Variants in PPARA observed in about 807,000 individuals in gnomAD.
PPARA encodes peroxisome proliferator-activated receptor alpha.
A neutral mutation model predicts 42.2 loss-of-function variants in PPARA; 22 were observed. The ratio of observed to expected loss-of-function variants is 0.52; its 90% CI spans 0.37 to 0.74. The LOEUF (loss-of-function observed/expected upper bound fraction) is 0.74. Ranked by LOEUF, PPARA falls within the 30% of genes least tolerant of loss-of-function variation. The pLI is 0.00. For synonymous variants in PPARA, 242 were observed against 239.3 expected, an observed-to-expected ratio of 1.01 and a Z score of -0.10; for missense variants, 465 against 608.2, an observed-to-expected ratio of 0.76 and a Z score of 2.48.
At position 46,161,598 on chromosome 22, in the gene PPARA, A is replaced by G. The variant is rs1163862685; in HGVS notation, c.-127+9628A>G. Among the ~76,000 whole-genome samples, 1 of 152,120 alleles carries G rather than the reference A, an allele frequency of 6.6e-6. No homozygotes were observed. The highest frequency in any genetic ancestry group is 1.5e-5 in the Non-Finnish European group (1 of 67,990). On this transcript the variant is annotated intron_variant, in intron 2 of 8. Transcript: ENST00000407236. The surrounding 1 kb of genome is among the most constrained non-coding windows in gnomAD (Gnocchi z 4.8). ...ACTCCATCTCAAAAATAATAAGTAA[A>G]TAAATAAATAAATAAAAATTAGAAC...
intron 4 of PPARA, among the ~76,000 whole-genome samples, chr22:46,207,560 G>C (rs1437144334): frequency 1.3e-5 from 2 of 149,246 alleles, no homozygotes; most frequent in African/African-American, 4.9e-5. Context: ...TGGGATTACA[G>C]GCATGAGCCA....
rs1244323173 is a variant in PPARA, at chr22:46,212,544, T to C, written c.209-2629T>C. On this transcript the variant is annotated intron_variant, in intron 4 of 8. Coordinates refer to ENST00000407236, the MANE Select transcript of PPARA (RefSeq NM_005036.6). This position sits in a 1 kb window ranked among gnomAD's most constrained non-coding sequence, Gnocchi z 4.2. ...TATGTAGCCTTTTCAGACTGACTTC[T>C]TTCATAGCAATATGCATTTAAGAGT... 1.3e-5 allele frequency among the ~76,000 whole-genome samples: 2 copies of C among 152,238 alleles called. No individual in the cohort carries two copies. The highest frequency in any genetic ancestry group is 4.8e-5 in the African/African-American group (2 of 41,460).
At chr22:46,215,932 A>G (rs1934445144) in intron 5 of PPARA, among the ~76,000 whole-genome samples, 1 of 152,046 alleles carries the variant, frequency 6.6e-6, no homozygotes, top group Non-Finnish European at 1.5e-5. Flanking sequence ...TTCATCCTGA[A>G]ACTATCCCTC....
rs1454037425 is a variant in PPARA, at chr22:46,243,137, G to C, written c.*7757G>C. The C allele has an allele frequency of 1.3e-5, 2 of 152,382 alleles. No individual in the cohort carries two copies. Among genetic ancestry groups the C allele is most frequent in the African/African-American group, 4.8e-5 (2 of 41,400 alleles). The allele number at this position is 152,382 out of a possible 1,614,324, so 9.4% of individuals were successfully genotyped here. A position where few individuals can be genotyped will look rare whatever the true frequency, so the allele number is the denominator to read the frequency against. On this transcript the variant is annotated 3_prime_UTR_variant, in exon 9 of 9. Transcript: ENST00000407236. The surrounding 1 kb of genome is among the most constrained non-coding windows in gnomAD (Gnocchi z 5.0). ...GACCCCGTGAGTCTCCCCATACCTTGTTTCCAATAACTTGGCAAAACTTCT... is the reference window on the plus strand; with the variant it reads ...GACCCCGTGAGTCTCCCCATACCTTCTTTCCAATAACTTGGCAAAACTTCT...
chr22:46,169,662 A>G (rs1448982810), intron 2 of PPARA, among the ~76,000 whole-genome samples: 2 of 152,068 alleles, frequency 1.3e-5, no homozygotes, highest in Non-Finnish European at 2.9e-5. Flanking sequence ...TTATTAATTA[A>G]AAGTTACTTT....
At chr22:46,205,839 G>C (rs2147457206) in intron 4 of PPARA, among the ~76,000 whole-genome samples, 1 of 151,912 alleles carries the variant, frequency 6.6e-6, no homozygotes, top group African/African-American at 2.4e-5. Flanking sequence ...TTATGAAATT[G>C]CTGTTGTAAT....
At chr22:46,154,296 C>T (rs1569178867) in intron 2 of PPARA, among the ~76,000 whole-genome samples, 1 of 152,174 alleles carries the variant, frequency 6.6e-6, no homozygotes, top group Non-Finnish European at 1.5e-5. Context: ...TTCTTGCATG[C>T]TGTTTTGGAG....
chr22:46,230,188 A>T lies in PPARA; in HGVS notation c.712-1604A>T, dbSNP rs1935769811. Among the ~76,000 whole-genome samples the T allele has an allele frequency of 6.6e-6, 1 of 152,182 alleles. No individual in the cohort carries two copies. On this transcript the variant is annotated intron_variant, in intron 7 of 8. Transcript: ENST00000407236. This position sits in a 1 kb window ranked among gnomAD's most constrained non-coding sequence, Gnocchi z 5.0. ...GGAGTGCGACACCAGCCTGACCAACATGGTGTAACCCCGTCTCTACTAAAA... is the reference window on the plus strand; with the variant it reads ...GGAGTGCGACACCAGCCTGACCAACTTGGTGTAACCCCGTCTCTACTAAAA...
At position 46,165,549 on chromosome 22, in the gene PPARA, G is replaced by C. The variant is rs1926915868; in HGVS notation, c.-126-11204G>C. On this transcript the variant is annotated intron_variant, in intron 2 of 8. Coordinates refer to ENST00000407236, the MANE Select transcript of PPARA (RefSeq NM_005036.6). This position sits in a 1 kb window ranked among gnomAD's most constrained non-coding sequence, Gnocchi z 5.5. Reference sequence around the variant, plus strand: ...ATGAAAGAAGCAGTTAAGAGCCTGAGTGGCACTTTTGAGGGGCTAGAAGGG... The same window carrying C: ...ATGAAAGAAGCAGTTAAGAGCCTGACTGGCACTTTTGAGGGGCTAGAAGGG... Among the ~76,000 whole-genome samples, 1 of 152,226 alleles carries C rather than the reference G, an allele frequency of 6.6e-6. No individual in the cohort carries two copies. The highest frequency in any genetic ancestry group is 6.5e-5 in the Admixed American group (1 of 15,278).
chr22:46,187,198 A>T lies in PPARA; in HGVS notation c.-43+10362A>T, dbSNP rs116418557. On this transcript the variant is annotated intron_variant, in intron 3 of 8. Coordinates refer to ENST00000407236, the MANE Select transcript of PPARA (RefSeq NM_005036.6). The surrounding 1 kb of genome is among the most constrained non-coding windows in gnomAD (Gnocchi z 4.9). ...TGTAAGCATCATCATTGCTTCTCAG[A>T]AGAGGAGACCTGGCTTACAGAGGTC... 7.1e-4 allele frequency among the ~76,000 whole-genome samples: 108 copies of T among 152,344 alleles called. No individual in the cohort carries two copies. Among genetic ancestry groups the T allele is most frequent in the African/African-American group, 2.4e-3 (100 of 41,582 alleles).
At position 46,160,889 on chromosome 22, in the gene PPARA, G is replaced by A. The variant is rs1926062578; in HGVS notation, c.-127+8919G>A. Among the ~76,000 whole-genome samples, 1 of 152,198 alleles carries A rather than the reference G, an allele frequency of 6.6e-6. No individual in the cohort carries two copies. The highest frequency in any genetic ancestry group is 1.9e-4 in the East Asian group (1 of 5,202). On this transcript the variant is annotated intron_variant, in intron 2 of 8. Coordinates refer to ENST00000407236, the MANE Select transcript of PPARA (RefSeq NM_005036.6). The surrounding 1 kb of genome is among the most constrained non-coding windows in gnomAD (Gnocchi z 4.5). ...TGGGATTACAGGTGTGATTCATGATGTCCAGCCCAGTATTTTTCTTTCACT... is the reference window on the plus strand; with the variant it reads ...TGGGATTACAGGTGTGATTCATGATATCCAGCCCAGTATTTTTCTTTCACT...
chr22:46,191,702 T>C lies in PPARA; in HGVS notation c.-42-6640T>C, dbSNP rs1290457547. On this transcript the variant is annotated intron_variant, in intron 3 of 8. Coordinates refer to ENST00000407236, the MANE Select transcript of PPARA (RefSeq NM_005036.6). This position sits in a 1 kb window ranked among gnomAD's most constrained non-coding sequence, Gnocchi z 4.6. Reference sequence around the variant, plus strand: ...CTGCGGCGACAGAGCTGAGGTGAATTCTCACAGACCATCACTGGGTTACTC... The same window carrying C: ...CTGCGGCGACAGAGCTGAGGTGAATCCTCACAGACCATCACTGGGTTACTC... Among the ~76,000 whole-genome samples, 6 of 152,190 alleles carry C rather than the reference T, an allele frequency of 3.9e-5. No homozygotes were observed. Among genetic ancestry groups the C allele is most frequent in the Non-Finnish European group, 1.5e-5 (1 of 68,030 alleles).
Position 46,165,291 on chromosome 22 carries a change from C to A in PPARA, c.-126-11462C>A, listed in dbSNP as rs1456938166. The A allele has an allele frequency of 2.0e-5, 3 of 152,310 alleles. No individual in the cohort carries two copies. Among genetic ancestry groups the A allele is most frequent in the Non-Finnish European group, 4.4e-5 (3 of 68,114 alleles). The allele number at this position is 152,310 out of a possible 1,614,324, so 9.4% of individuals were successfully genotyped here. ...CCGCAGGTGATCCGCCTGCCCTTGG[C>A]CTCCCAAAGTGCTGGGATTACAGGT... On this transcript the variant is annotated intron_variant, in intron 2 of 8. Coordinates refer to ENST00000407236, the MANE Select transcript of PPARA (RefSeq NM_005036.6). This position sits in a 1 kb window ranked among gnomAD's most constrained non-coding sequence, Gnocchi z 5.5.
At position 46,186,196 on chromosome 22, in the gene PPARA, C is replaced by A. The variant is rs188958064; in HGVS notation, c.-43+9360C>A. On this transcript the variant is annotated intron_variant, in intron 3 of 8. Coordinates refer to ENST00000407236, the MANE Select transcript of PPARA (RefSeq NM_005036.6). ...ACATTCATAGACCGGATGCCATCAG[C>A]CAACCTTGAGTAATTTGCAGCACAC... Among the ~76,000 whole-genome samples, 75 of 151,834 alleles carry A rather than the reference C, an allele frequency of 4.9e-4. 3 individuals are homozygous for A. The South Asian group carries it at 0.015, about 31-fold the overall frequency.
In PPARA at chr22:46,231,733, T is replaced by C. The variant is rs757614387; in HGVS notation, c.712-59T>C. ...CAGGAGCTGCTCATTAGTGAGCTGA[T>C]AGCTGGGAGCATAGCGCATCCCACA... On this transcript the variant is annotated intron_variant, in intron 7 of 8. Coordinates refer to ENST00000407236, the MANE Select transcript of PPARA (RefSeq NM_005036.6). The surrounding 1 kb of genome is among the most constrained non-coding windows in gnomAD (Gnocchi z 7.7). 2.3e-5 allele frequency: 35 copies of C among 1,537,080 alleles called. No homozygotes were observed. Among genetic ancestry groups the C allele is most frequent in the Admixed American group, 7.1e-5 (4 of 56,152 alleles).
chr22:46,230,585 A>G lies in PPARA; in HGVS notation c.712-1207A>G, dbSNP rs964967427. ...TCTGAGCATGTTGGCTTCAAATAAT[A>G]TGGCCAGCCACCTCTTCCACCACGA... is the stretch of plus-strand genomic sequence containing the variant. On this transcript the variant is annotated intron_variant, in intron 7 of 8. Coordinates refer to ENST00000407236, the MANE Select transcript of PPARA (RefSeq NM_005036.6). The surrounding 1 kb of genome is among the most constrained non-coding windows in gnomAD (Gnocchi z 5.0). Among the ~76,000 whole-genome samples, 7 of 152,114 alleles carry G rather than the reference A, an allele frequency of 4.6e-5. No homozygotes were observed. Among genetic ancestry groups the G allele is most frequent in the Non-Finnish European group, 1.0e-4 (7 of 68,012 alleles).
intron 2 of PPARA, among the ~76,000 whole-genome samples, chr22:46,154,566 G>A (rs919441665): frequency 2.6e-5 from 4 of 152,082 alleles, no homozygotes; most frequent in Non-Finnish European, 4.4e-5. Context: ...TGCAGTGACT[G>A]AGATGGCACC....
In PPARA at chr22:46,171,741, G is replaced by A. The variant is rs1928074173; in HGVS notation, c.-126-5012G>A. On this transcript the variant is annotated intron_variant, in intron 2 of 8. Transcript: ENST00000407236. The surrounding 1 kb of genome is among the most constrained non-coding windows in gnomAD (Gnocchi z 5.0). ...GAGGAGGAGGAGAAAGAGGTCAGGAGGTCCCAGGGGAGAGGCAGGACCAGT... is the reference window on the plus strand; with the variant it reads ...GAGGAGGAGGAGAAAGAGGTCAGGAAGTCCCAGGGGAGAGGCAGGACCAGT... 6.6e-6 allele frequency among the ~76,000 whole-genome samples: 1 copy of A among 152,182 alleles called. No individual in the cohort carries two copies. Among genetic ancestry groups the A allele is most frequent in the Non-Finnish European group, 1.5e-5 (1 of 68,036 alleles).
intron 4 of PPARA, among the ~76,000 whole-genome samples, chr22:46,202,137 A>T (rs1254668457): frequency 6.6e-6 from 1 of 152,040 alleles, no homozygotes; most frequent in Non-Finnish European, 1.5e-5. Context: ...AGTGGCCAGG[A>T]GGGCTGCCCA....
Sources: allele counts gnomAD v4.1 joint callset (sites outside exome capture counted in the v4.1 genomes callset), GRCh38; gene constraint gnomAD v4.1.1; non-coding constraint Gnocchi (gnomAD v3.1); transcripts MANE v1.5; gene names NCBI Gene and HGNC (gene_info 2026-07-23, HGNC 2026-07-21).